The following FOCAD variants were observed in gnomAD, a reference collection of about 807,000 sequenced individuals.
FOCAD encodes the protein KIAA1797.
In FOCAD, 198 loss-of-function variants were observed where a neutral mutation model predicts 225.6. The observed-to-expected ratio is 0.88, with a 90% confidence interval of 0.78 to 0.99. The LOEUF (loss-of-function observed/expected upper bound fraction) is 0.99. Ranked by LOEUF, FOCAD falls within the 50% of genes least tolerant of loss-of-function variation. The pLI, the probability that FOCAD is intolerant of heterozygous loss-of-function variation, is 0.00. For missense variants in FOCAD, 2,713 were observed against 2,123.6 expected (o/e 1.28, Z -5.46); for synonymous variants, 897 against 755.0 (o/e 1.19, Z -3.08).
intron 15 of FOCAD, among the ~76,000 whole-genome samples, chr9:20,861,924 C>A (rs1441791847): frequency 6.6e-6 from 1 of 152,072 alleles, no homozygotes; most frequent in African/African-American, 2.4e-5. Context: ...GAATGAAGAA[C>A]ACTTGGTTTA....
intron 1 of FOCAD, among the ~76,000 whole-genome samples, chr9:20,713,701 A>G (rs1825064772): frequency 6.6e-6 from 1 of 152,210 alleles, no homozygotes; most frequent in South Asian, 2.1e-4. Context: ...ACTAATAAGT[A>G]TTTGTTAAAT....
intron 3 of FOCAD, 25 bp downstream of exon 3, chr9:20,717,893 A>G: frequency 6.3e-7 from 1 of 1,579,776 alleles, no homozygotes; most frequent in African/African-American, 1.3e-5. Flanking sequence ...TTATGCTTTA[A>G]TTCTCTTCAG....
At chr9:20,714,007 A>T (rs1368224815) in intron 1 of FOCAD, among the ~76,000 whole-genome samples, 2 of 152,228 alleles carry the variant, frequency 1.3e-5, no homozygotes, top group African/African-American at 4.8e-5. Context: ...AAAGTTGGAC[A>T]TAGATGTCGA....
chr9:20,882,855 C>T (rs894715504), intron 20 of FOCAD, among the ~76,000 whole-genome samples: 1 of 152,078 alleles, frequency 6.6e-6, no homozygotes, highest in Non-Finnish European at 1.5e-5. Context: ...TGAGAGCAGA[C>T]CTAAATCTCT....
At chr9:20,783,371 T>C (rs368273975) in intron 10 of FOCAD, among the ~76,000 whole-genome samples, 5 of 152,266 alleles carry the variant, frequency 3.3e-5, no homozygotes, top group South Asian at 2.1e-4. Context: ...AAGCCACATT[T>C]TACTGTTGGC....
intron 11 of FOCAD, among the ~76,000 whole-genome samples, chr9:20,790,411 A>G (rs368631928): frequency 2.6e-5 from 4 of 152,228 alleles, no homozygotes; most frequent in South Asian, 2.1e-4. Context: ...CCATCTCCCA[A>G]TGGAAAAGTG....
intron 11 of FOCAD, among the ~76,000 whole-genome samples, chr9:20,794,123 T>A (rs1820819684): frequency 1.3e-5 from 2 of 152,186 alleles, no homozygotes; most frequent in Non-Finnish European, 1.5e-5. Context: ...TTTATAAATA[T>A]AAATGAACAG....
At chr9:20,941,394 C>T (rs987011704) in intron 28 of FOCAD, among the ~76,000 whole-genome samples, 4 of 152,070 alleles carry the variant, frequency 2.6e-5, no homozygotes, top group South Asian at 4.1e-4. Context: ...ATTTGTATAG[C>T]GCTTTGTAAA....
At chr9:20,882,166 C>G (rs1830724680) in intron 20 of FOCAD, 110 bp downstream of exon 20, 1 of 888,668 alleles carries the variant, frequency 1.1e-6, no homozygotes, top group Non-Finnish European at 1.7e-6. Flanking sequence ...CTGCTACTAA[C>G]ATGTGGATAA....
chr9:20,913,738 G>A (rs1035492708), intron 23 of FOCAD, among the ~76,000 whole-genome samples: 2 of 152,156 alleles, frequency 1.3e-5, no homozygotes, highest in Admixed American at 1.3e-4. Flanking sequence ...AAATGGCAAT[G>A]AAGTTTAAAA....
At chr9:20,856,938 T>G (rs1251517822) in intron 15 of FOCAD, among the ~76,000 whole-genome samples, 1 of 152,114 alleles carries the variant, frequency 6.6e-6, no homozygotes, top group South Asian at 2.1e-4. Context: ...TTCTGTTCTA[T>G]TGGTCTATGT....
intron 19 of FOCAD, 59 bp from the exon 20 acceptor site, chr9:20,881,812 G>T: frequency 6.5e-7 from 1 of 1,543,962 alleles, no homozygotes; most frequent in Non-Finnish European, 8.8e-7. Flanking sequence ...AAGAACGCAT[G>T]TTTCTCTTCT....
At chr9:20,874,914 A>G (rs1392589031) in intron 19 of FOCAD, 107 bp downstream of exon 19, 1 of 1,380,046 alleles carries the variant, frequency 7.2e-7, no homozygotes, top group Non-Finnish European at 1.0e-6. Flanking sequence ...TTATGTGCTT[A>G]TTTTTTAACC....
chr9:20,857,066 A>C (rs1036057842), intron 15 of FOCAD, among the ~76,000 whole-genome samples: 12 of 151,904 alleles, frequency 7.9e-5, no homozygotes, highest in African/African-American at 2.9e-4. Context: ...GGTTTTCCTT[A>C]TACTGGGTCT....
intron 11 of FOCAD, among the ~76,000 whole-genome samples, chr9:20,816,641 G>T (rs1383919651): frequency 6.6e-6 from 1 of 151,870 alleles, no homozygotes; most frequent in Non-Finnish European, 1.5e-5. Context: ...TTTTGAAATT[G>T]AATTAAAATA....
At chr9:20,908,970 T>A (rs1833209771) in intron 22 of FOCAD, among the ~76,000 whole-genome samples, 1 of 152,056 alleles carries the variant, frequency 6.6e-6, no homozygotes. Flanking sequence ...CAGTACAGTA[T>A]CTTTGATGCA....
At chr9:20,709,130 A>G (rs1824629368) in intron 1 of FOCAD, among the ~76,000 whole-genome samples, 1 of 152,160 alleles carries the variant, frequency 6.6e-6, no homozygotes, top group Non-Finnish European at 1.5e-5. Flanking sequence ...TTGATAGATT[A>G]ATTTTCTTGG....
At chr9:20,913,750 A>G (rs1295913383) in intron 23 of FOCAD, among the ~76,000 whole-genome samples, 2 of 152,192 alleles carry the variant, frequency 1.3e-5, no homozygotes, top group Non-Finnish European at 2.9e-5. Flanking sequence ...AGTTTAAAAC[A>G]TTATGATATT....
intron 10 of FOCAD, among the ~76,000 whole-genome samples, chr9:20,788,994 T>G (rs1409660004): frequency 6.6e-6 from 1 of 152,182 alleles, no homozygotes; most frequent in African/African-American, 2.4e-5. Context: ...TATTTTTTTT[T>G]TTTAATCTTT....
Sources: allele counts gnomAD v4.1 joint callset (sites outside exome capture counted in the v4.1 genomes callset), GRCh38; gene constraint gnomAD v4.1.1; transcripts MANE v1.5; gene names NCBI Gene and HGNC (gene_info 2026-07-23, HGNC 2026-07-21).